GRIP1: variants seen among roughly 807,000 people sequenced by gnomAD.
The protein encoded by GRIP1 is glutamate receptor interacting protein 1.
A neutral mutation model predicts 129.9 loss-of-function variants in GRIP1; 45 were observed. That is an observed-to-expected ratio of 0.35 (90% CI 0.27 to 0.44). GRIP1 has a LOEUF of 0.44. GRIP1 is among the 20% of genes least tolerant of loss of function. The pLI, the probability that GRIP1 is intolerant of heterozygous loss-of-function variation, is 1.00. For synonymous variants in GRIP1, 530 were observed against 520.8 expected, an observed-to-expected ratio of 1.02 and a Z score of -0.24; for missense variants, 1,196 against 1,396.8, an observed-to-expected ratio of 0.86 and a Z score of 2.29.
intron 1 of GRIP1, among the ~76,000 whole-genome samples, chr12:66,920,568 C>T (rs542803948): frequency 7.2e-5 from 11 of 152,302 alleles, no homozygotes; most frequent in African/African-American, 2.6e-4. Flanking sequence ...ATAGAAGGAA[C>T]CCAAGAACTA....
At chr12:66,759,919 A>T (rs944999405) in intron 1 of GRIP1, among the ~76,000 whole-genome samples, 1 of 151,476 alleles carries the variant, frequency 6.6e-6, no homozygotes, top group South Asian at 2.1e-4. Context: ...CAATGGTGCA[A>T]TCTCGGCTCA....
At chr12:66,774,861 CAA>C (rs1291518762) in intron 1 of GRIP1, among the ~76,000 whole-genome samples, 2 of 152,028 alleles carry the variant, frequency 1.3e-5, no homozygotes, top group Non-Finnish European at 2.9e-5. Flanking sequence ...ACAAAGTATT[CAA>C]AGTTCTGAAC....
chr12:66,474,986 C>T (rs1488935192), intron 7 of GRIP1, among the ~76,000 whole-genome samples: 1 of 152,036 alleles, frequency 6.6e-6, no homozygotes, highest in Non-Finnish European at 1.5e-5. Context: ...CAATATTAAC[C>T]TTAAATGTAA....
intron 24 of GRIP1, among the ~76,000 whole-genome samples, chr12:66,351,313 G>T (rs1382019864): frequency 6.6e-6 from 1 of 152,128 alleles, no homozygotes; most frequent in Non-Finnish European, 1.5e-5. Flanking sequence ...CCATTTTCCT[G>T]CAAAATGCTC....
intron 1 of GRIP1, among the ~76,000 whole-genome samples, chr12:66,751,790 T>C (rs1030267373): frequency 5.9e-5 from 9 of 152,250 alleles, no homozygotes; most frequent in Admixed American, 1.3e-4. Context: ...TTTATCTCGC[T>C]TATAAACTTG....
intron 1 of GRIP1, among the ~76,000 whole-genome samples, chr12:66,937,305 C>T (rs1169197178): frequency 6.6e-6 from 1 of 152,230 alleles, no homozygotes; most frequent in East Asian, 1.9e-4. Flanking sequence ...ACATTTATCA[C>T]TGACTGACAT....
chr12:66,537,977 A>G (rs1311744724), intron 4 of GRIP1, among the ~76,000 whole-genome samples: 1 of 152,176 alleles, frequency 6.6e-6, no homozygotes, highest in Non-Finnish European at 1.5e-5. Context: ...CTGTGGTTTC[A>G]GTTACCTCCA....
chr12:66,875,265 T>G (rs2040364420), intron 1 of GRIP1, among the ~76,000 whole-genome samples: 1 of 152,042 alleles, frequency 6.6e-6, no homozygotes, highest in Admixed American at 6.6e-5. Flanking sequence ...AGGAAATAAT[T>G]GGTTCACATC....
intron 1 of GRIP1, among the ~76,000 whole-genome samples, chr12:67,054,527 G>T (rs1435081447): frequency 6.6e-6 from 1 of 152,154 alleles, no homozygotes; most frequent in Admixed American, 6.5e-5. Flanking sequence ...ATTTTGGGAG[G>T]CCGAAGTGGG....
At chr12:66,823,229 T>A (rs1443980284) in intron 1 of GRIP1, among the ~76,000 whole-genome samples, 2 of 152,166 alleles carry the variant, frequency 1.3e-5, no homozygotes, top group African/African-American at 4.8e-5. Context: ...TCCTCAGACA[T>A]GTAAATATCT....
intron 1 of GRIP1, among the ~76,000 whole-genome samples, chr12:66,850,316 C>T (rs2039888725): frequency 6.6e-6 from 1 of 152,092 alleles, no homozygotes; most frequent in Non-Finnish European, 1.5e-5. Context: ...CTTATGAATC[C>T]AGATGTGGGT....
At chr12:66,770,132 A>G (rs2037771315) in intron 1 of GRIP1, among the ~76,000 whole-genome samples, 1 of 152,222 alleles carries the variant, frequency 6.6e-6, no homozygotes, top group African/African-American at 2.4e-5. Flanking sequence ...CATATAAAGC[A>G]TTTGGCACAG....
intron 1 of GRIP1, among the ~76,000 whole-genome samples, chr12:66,785,000 G>T (rs947151153): frequency 1.3e-5 from 2 of 151,956 alleles, no homozygotes; most frequent in African/African-American, 4.8e-5. Context: ...TCCGTGTTCT[G>T]GCTCTCTTTC....
chr12:66,643,536 T>C (rs1212146665), intron 1 of GRIP1, among the ~76,000 whole-genome samples: 2 of 152,236 alleles, frequency 1.3e-5, no homozygotes, highest in African/African-American at 4.8e-5. Flanking sequence ...TTATATAGAA[T>C]TATTAATAGT....
At chr12:66,641,777 T>C (rs1403995880) in intron 1 of GRIP1, among the ~76,000 whole-genome samples, 1 of 152,210 alleles carries the variant, frequency 6.6e-6, no homozygotes, top group African/African-American at 2.4e-5. Context: ...CTCTCTTACC[T>C]TGGCCATGCC....
rs1424804702 is a variant in GRIP1, at chr12:66,371,903, T to C, written c.2803A>G (p.Met935Val). 3.1e-6 allele frequency: 5 copies of C among 1,611,778 alleles called. No homozygotes were observed. The highest frequency in any genetic ancestry group is 4.2e-6 in the Non-Finnish European group (5 of 1,179,470). ...GTTGGAGCCTCATGATTCAAACTCA[T>C]CGTGCTCCCCGACATGATTGTTGCC... ...LLATIMSGSTMSLNHEAPTPR... is the reference protein window; with the variant it reads ...LLATIMSGSTVSLNHEAPTPR... Residue 935 changes from methionine to valine, a missense_variant, in exon 23 of 25, where the codon ATG (methionine) becomes GTG (valine). Physicochemically the swap from Met to Val is conservative, Grantham distance 21 (BLOSUM62 1). Transcript: ENST00000359742.
At chr12:66,377,435 C>G (rs1425341529) in intron 20 of GRIP1, 150 bp from the exon 21 acceptor site, 1 of 667,628 alleles carries the variant, frequency 1.5e-6, no homozygotes, top group East Asian at 2.8e-5. Context: ...TCACACCATT[C>G]TCCTGCCTCA....
At chr12:66,703,554 G>A (rs969030230) in intron 1 of GRIP1, among the ~76,000 whole-genome samples, 6 of 152,000 alleles carry the variant, frequency 3.9e-5, no homozygotes, top group Non-Finnish European at 7.4e-5. Flanking sequence ...AGAAAGTAGA[G>A]ATCCAAGGAA....
intron 1 of GRIP1, among the ~76,000 whole-genome samples, chr12:66,724,537 TCTTG>T (rs1389398150): frequency 6.6e-6 from 1 of 152,178 alleles, no homozygotes; most frequent in African/African-American, 2.4e-5. Flanking sequence ...ACTGACCTCC[TCTTG>T]CTTCAGTGAG....
Sources: gnomAD v4.1 joint callset for allele counts (sites outside exome capture counted in the v4.1 genomes callset) on GRCh38, gnomAD v4.1.1 for gene constraint, MANE v1.5 for transcripts, NCBI Gene and HGNC (gene_info 2026-07-23, HGNC 2026-07-21) for gene names.